MCF2L: variants seen among roughly 807,000 people sequenced by gnomAD.
MCF2L encodes guanine nucleotide exchange factor DBS.
MCF2L carries 97 observed loss-of-function variants against 153.4 expected under a neutral mutation model. That is an observed-to-expected ratio of 0.63 (90% CI 0.54 to 0.75). The LOEUF (loss-of-function observed/expected upper bound fraction) is 0.75, where lower values mean the gene tolerates loss of function less well. MCF2L is among the 30% of genes least tolerant of loss of function. The pLI, the probability that MCF2L is intolerant of heterozygous loss-of-function variation, is 0.00. For missense variants in MCF2L, 1,347 were observed against 1,495.2 expected (o/e 0.90, Z 1.64); for synonymous variants, 659 against 632.2 (o/e 1.04, Z -0.64).
At chr13:113,082,890 G>A (rs988591519) in intron 17 of MCF2L, among the ~76,000 whole-genome samples, 19 of 152,182 alleles carry the variant, frequency 1.2e-4, no homozygotes, top group African/African-American at 4.1e-4. Flanking sequence ...GGTGGAAGCC[G>A]GAACCCCCTC....
At chr13:113,065,305 C>T (rs1214860700) in intron 7 of MCF2L, 1 of 568,598 alleles carries the variant, frequency 1.8e-6, no homozygotes, top group Non-Finnish European at 3.1e-6. Context: ...GTAAATGAAC[C>T]CTGTAGATTG....
rs1437864443 is a variant in MCF2L, at chr13:113,027,177, C to T, written c.278+2419C>T. ...GCCATTACCGTGAAGGTTCTTCATTCTTCAGTCTTTAAAGACAACAGCGCA... is the reference window on the plus strand; with the variant it reads ...GCCATTACCGTGAAGGTTCTTCATTTTTCAGTCTTTAAAGACAACAGCGCA... On this transcript the variant is annotated intron_variant, in intron 3 of 29. Coordinates refer to ENST00000535094, the MANE Select transcript of MCF2L (RefSeq NM_001112732.3). This position sits in a 1 kb window ranked among gnomAD's most constrained non-coding sequence, Gnocchi z 4.8. The T allele has an allele frequency of 3.1e-6, 2 of 653,324 alleles. No individual in the cohort carries two copies. Among genetic ancestry groups the T allele is most frequent in the Non-Finnish European group, 5.6e-6 (2 of 358,494 alleles). 40.5% of individuals were successfully genotyped at this position (653,324 alleles called of 1,614,324 possible).
In MCF2L at chr13:112,904,128, G is replaced by T. The variant is rs1000534681; in HGVS notation, c.169+1757G>T. On this transcript the variant is annotated intron_variant, in intron 2 of 29. Coordinates refer to the MCF2L transcript ENST00000375608. This position sits in a 1 kb window ranked among gnomAD's most constrained non-coding sequence, Gnocchi z 4.2. ...CTCTGGGGACTGAGGAGCTGGCCGC[G>T]GTTAGGGTTAGGGTTAGAGGTTAAG... is the stretch of plus-strand genomic sequence containing the variant. 6.6e-6 allele frequency among the ~76,000 whole-genome samples: 1 copy of T among 152,082 alleles called. No homozygotes were observed. The highest frequency in any genetic ancestry group is 1.5e-5 in the Non-Finnish European group (1 of 68,014).
rs146650547 is a variant in MCF2L, at chr13:113,040,621, C to T, written c.279-4650C>T. The T allele has an allele frequency of 8.8e-4, 135 of 152,964 alleles. 1 individual carries two copies. In the East Asian group the frequency reaches 0.015, roughly 17 times the overall value. 9.5% of individuals were successfully genotyped at this position (152,964 alleles called of 1,614,324 possible). A position where few individuals can be genotyped will look rare whatever the true frequency, so the allele number is the denominator to read the frequency against. On this transcript the variant is annotated intron_variant, in intron 3 of 29. Coordinates refer to ENST00000535094, the MANE Select transcript of MCF2L (RefSeq NM_001112732.3). ...CACTGTTGATTCCTAAGGTCTGCTG[C>T]CCTCTGCAAGCACTGCTCCTCCCGT...
intron 2 of MCF2L, among the ~76,000 whole-genome samples, chr13:112,959,192 T>C (rs2081794898): frequency 6.6e-6 from 1 of 152,216 alleles, no homozygotes; most frequent in Non-Finnish European, 1.5e-5. Context: ...TCCTCTAGTT[T>C]TTCTTTTAGA....
Position 112,969,478 on chromosome 13 carries a change from G to C in MCF2L, c.79+20G>C. On this transcript the variant is annotated intron_variant, in intron 1 of 29. Transcript: ENST00000535094. The surrounding 1 kb of genome is among the most constrained non-coding windows in gnomAD (Gnocchi z 4.8). ...ACACGGGTAGGAGGAGCTGCTGGCC[G>C]TCAGTGATCTGTGCTTAAGCTTGAC... 1 of 1,550,062 alleles carries C rather than the reference G, an allele frequency of 6.5e-7. No individual in the cohort carries two copies. Among genetic ancestry groups the C allele is most frequent in the Non-Finnish European group, 8.7e-7 (1 of 1,146,632 alleles).
chr13:113,092,037 G>A (rs1268141117), intron 26 of MCF2L, among the ~76,000 whole-genome samples: 1 of 152,358 alleles, frequency 6.6e-6, no homozygotes, highest in African/African-American at 2.4e-5. Flanking sequence ...CTGCAAGTGG[G>A]TGGGCGCCCG....
In MCF2L at chr13:113,078,706, G is replaced by C. The variant is rs774428094; in HGVS notation, c.1775G>C (p.Gly592Ala). The C allele has an allele frequency of 1.1e-5, 17 of 1,609,340 alleles. No individual in the cohort carries two copies. In the East Asian group the frequency reaches 2.2e-4, roughly 21 times the overall value. The change falls in exon 15 of 30, where the codon GGG (glycine) becomes GCG (alanine). Residue 592 changes from glycine (G) to alanine (A), a missense_variant. Physicochemically the swap from Gly to Ala is moderately conservative, Grantham distance 60. This residue lies in a region of MCF2L where 820 missense variants were observed against 921.2 expected (regional missense o/e 0.89). Transcript: ENST00000535094. ...SESRQGRGSA[G>A]EEEESLAILR... ...AGCCGGCAGGGCCGCGGCTCAGCGGGGGAGGAGGAGGAAAGCCTGGCCATC... is the reference window on the plus strand; with the variant it reads ...AGCCGGCAGGGCCGCGGCTCAGCGGCGGAGGAGGAGGAAAGCCTGGCCATC...
chr13:112,947,635 G>A (rs577054154), intron 2 of MCF2L, among the ~76,000 whole-genome samples: 7 of 152,326 alleles, frequency 4.6e-5, no homozygotes, highest in Admixed American at 2.0e-4. Flanking sequence ...AATCATCTTC[G>A]ACTCCATGCC....
At chr13:113,038,792 G>A (rs1253799259) in intron 3 of MCF2L, among the ~76,000 whole-genome samples, 1 of 152,212 alleles carries the variant, frequency 6.6e-6, no homozygotes, top group Non-Finnish European at 1.5e-5. Flanking sequence ...GTAAACAGAA[G>A]AGCAGCAGCA....
rs761719306 is a variant in MCF2L, at chr13:112,973,330, C to G, written c.79+3872C>G. Among the ~76,000 whole-genome samples the G allele has an allele frequency of 2.6e-4, 39 of 152,132 alleles. 1 individual carries two copies. The highest frequency in any genetic ancestry group is 4.6e-4 in the Admixed American group (7 of 15,266). On this transcript the variant is annotated intron_variant, in intron 1 of 29. Transcript: ENST00000535094. The stretch of plus-strand genomic sequence containing the variant: ...GAGGTACGTCTGTGTGGGTTGCTGA[C>G]TATTTTGTAACATGAAATTTAGGTC...
chr13:113,007,632 T>A lies in MCF2L; in HGVS notation c.80-7131T>A, dbSNP rs9549632. On this transcript the variant is annotated intron_variant, in intron 1 of 29. Coordinates refer to ENST00000535094, the MANE Select transcript of MCF2L (RefSeq NM_001112732.3). Reference sequence around the variant, plus strand: ...GTGAAACACGCAGTGCGGGGCCGGCTGTACAGACAGGGCTGAGGAAAGCAG... The same window carrying A: ...GTGAAACACGCAGTGCGGGGCCGGCAGTACAGACAGGGCTGAGGAAAGCAG... Among the ~76,000 whole-genome samples the A allele has an allele frequency of 5.2e-3, 788 of 152,356 alleles. 7 individuals are homozygous for A. Among genetic ancestry groups the A allele is most frequent in the Non-Finnish European group, 6.8e-3 (460 of 68,038 alleles).
chr13:112,911,430 G>A (rs1173975106), intron 2 of MCF2L, among the ~76,000 whole-genome samples: 1 of 152,194 alleles, frequency 6.6e-6, no homozygotes, highest in East Asian at 1.9e-4. Context: ...CGCTAGTCCT[G>A]TGCGCCCACC....
chr13:112,991,134 T>A (rs2082880158), intron 1 of MCF2L, among the ~76,000 whole-genome samples: 2 of 152,220 alleles, frequency 1.3e-5, no homozygotes, highest in Non-Finnish European at 1.5e-5. Flanking sequence ...GGAAGCAGTC[T>A]CAGCTGAACT....
chr13:113,074,484 C>A lies in MCF2L; in HGVS notation c.1037C>A (p.Thr346Asn). The A allele has an allele frequency of 2.5e-6, 4 of 1,614,086 alleles. No homozygotes were observed. The highest frequency in any genetic ancestry group is 3.4e-6 in the Non-Finnish European group (4 of 1,180,022). Residue 346 changes from threonine to asparagine, a missense_variant, in exon 10 of 30, where the codon ACC becomes AAC. Coordinates refer to ENST00000535094, the MANE Select transcript of MCF2L (RefSeq NM_001112732.3). This position sits in a 1 kb window ranked among gnomAD's most constrained non-coding sequence, Gnocchi z 4.2. ...GACGCAGCGTCCCAGAAGATAGCAA[C>A]CTTCACAGACATCGGCAACAGCCTG... ...ILDAASQKIA[T>N]FTDIGNSLAH...
intron 3 of MCF2L, among the ~76,000 whole-genome samples, chr13:113,033,426 C>CTGTGA (rs1555370958): frequency 0.016 from 2,058 of 128,010 alleles, 171 homozygotes; most frequent in East Asian, 0.049. Flanking sequence ...TGAGTGGCCC[C>CTGTGA]CATGATGTGA....
chr13:112,931,487 C>T (rs925364326), intron 2 of MCF2L, among the ~76,000 whole-genome samples: 5 of 152,080 alleles, frequency 3.3e-5, no homozygotes, highest in African/African-American at 7.2e-5. Flanking sequence ...AGCAGGTGTG[C>T]GGCGTCAGTG....
In MCF2L at chr13:113,070,110, A is replaced by G. The variant is rs778975905; in HGVS notation, c.933A>G (p.Ala311=). ...AGGCTGCCTTCGATGAGTTCTGGGC[A>G]AAGCATCAGCAGAAACTGGAGCAGT... is the stretch of plus-strand genomic sequence containing the variant. ...ETEAAFDEFW[A]KHQQKLEQCL... is the part of the protein sequence containing the mutation. Residue 311 remains alanine (A), a synonymous_variant, in exon 9 of 30, where the codon GCA becomes GCG. Transcript: ENST00000535094. The surrounding 1 kb of genome is among the most constrained non-coding windows in gnomAD (Gnocchi z 5.6). The G allele has an allele frequency of 7.5e-6, 12 of 1,609,310 alleles. No individual in the cohort carries two copies. The highest frequency in any genetic ancestry group is 9.3e-6 in the Non-Finnish European group (11 of 1,178,386).
Position 112,943,357 on chromosome 13 carries a change from C to G in MCF2L, c.169+40986C>G, listed in dbSNP as rs566227521. ...AGGGCCCCCGGCCGCAGAGCCCAGG[C>G]GCGGGGAGGGCGGCGGCTCCCAGCT... On this transcript the variant is annotated intron_variant, in intron 2 of 29. Transcript: ENST00000375608. This position sits in a 1 kb window ranked among gnomAD's most constrained non-coding sequence, Gnocchi z 4.2. 4.8e-3 allele frequency among the ~76,000 whole-genome samples: 735 copies of G among 152,186 alleles called. 3 individuals carry two copies. The highest frequency in any genetic ancestry group is 0.017 in the African/African-American group (709 of 41,540).
Sources: allele counts gnomAD v4.1 joint callset (sites outside exome capture counted in the v4.1 genomes callset), GRCh38; gene constraint gnomAD v4.1.1; regional missense constraint gnomAD v4.1.1; non-coding constraint Gnocchi (gnomAD v3.1); transcripts MANE v1.5; gene names NCBI Gene and HGNC (gene_info 2026-07-23, HGNC 2026-07-21).